FLNA: variants seen among roughly 807,000 people sequenced by gnomAD.
FLNA encodes the protein filamin-A.
Under a neutral mutation model 157.6 loss-of-function variants are expected in FLNA, and 7 were observed. That is an observed-to-expected ratio of 0.04 (90% confidence interval 0.03 to 0.08). FLNA has a LOEUF of 0.08. Ranked by LOEUF, FLNA falls within the 10% of genes least tolerant of loss-of-function variation. The pLI is 1.00. For missense variants in FLNA, 1,750 were observed against 2,398.4 expected (o/e 0.73, Z 5.65); for synonymous variants, 1,103 against 1,060.8 (o/e 1.04, Z -0.77).
chrX:154,355,119 C>T, intron 30 of FLNA, 47 bp from the exon 31 acceptor site: 5 of 1,177,160 alleles, frequency 4.2e-6, no homozygotes, highest in South Asian at 3.8e-5. Flanking sequence ...CGTGTGAGCT[C>T]GGGTTCAGGT....
In FLNA at chrX:154,359,920, A is replaced by G; in HGVS notation, c.3806-15T>C. On this transcript the variant is annotated splice_polypyrimidine_tract_variant and intron_variant, in intron 22 of 47. Transcript: ENST00000369850. ...ACGGAAGACACCTGCAAAGGCACAG[A>G]GAGGAGGCTTGGGGCTCGGGGGTTC... is the stretch of plus-strand genomic sequence containing the variant. 1 of 1,210,089 alleles carries G rather than the reference A, an allele frequency of 8.3e-7. No homozygotes were observed. Among genetic ancestry groups the G allele is most frequent in the Non-Finnish European group, 1.1e-6 (1 of 894,864 alleles).
chrX:154,367,273 G>A, intron 5 of FLNA, 124 bp downstream of exon 5: 1 of 719,935 alleles, frequency 1.4e-6, no homozygotes, highest in Non-Finnish European at 2.1e-6. Context: ...TCTGACTCTT[G>A]GGTGGCTTGA....
At chrX:154,370,580 C>A (rs2148121533) in intron 2 of FLNA, among the ~76,000 whole-genome samples, 1 of 113,229 alleles carries the variant, frequency 8.8e-6, no homozygotes, top group East Asian at 2.8e-4. Context: ...AGGCCCACTC[C>A]CACCGCGAGC....
chrX:154,355,596 G>A (rs1213479022), intron 30 of FLNA, among the ~76,000 whole-genome samples: 2 of 113,343 alleles, frequency 1.8e-5, no homozygotes, highest in South Asian at 3.5e-4. Context: ...GAGAAGGCTC[G>A]CGGTGAAAAG....
At chrX:154,359,448 C>A (rs1004752400) in intron 24 of FLNA, 36 bp downstream of exon 24, 14 of 1,211,816 alleles carry the variant, frequency 1.2e-5, no homozygotes, top group Non-Finnish European at 1.5e-5. Flanking sequence ...GGTTCCCAGG[C>A]CCACCAGCCA....
rs1557178377 is a variant in FLNA at position 154,362,765 on chromosome X, C to A, written c.2300G>T (p.Ser767Ile). 2 of 1,201,269 alleles carry A rather than the reference C, an allele frequency of 1.7e-6. No homozygotes were observed. Among genetic ancestry groups the A allele is most frequent in the Non-Finnish European group, 2.2e-6 (2 of 890,413 alleles). Residue 767 changes from serine to isoleucine, a missense_variant, in exon 16 of 48, where the codon AGC (serine) becomes ATC (isoleucine). By Grantham distance (142) the Ser-to-Ile change is moderately radical. Transcript: ENST00000369850. ...GTATACTTTGACCTTGTTGGGGTGGCTGCCAGCTCCCACATTCACCTGCAG... is the reference window on the plus strand; with the variant it reads ...GTATACTTTGACCTTGTTGGGGTGGATGCCAGCTCCCACATTCACCTGCAG... Reference protein sequence around the residue: ...SPFRVNVGAGSHPNKVKVYGP... With the variant: ...SPFRVNVGAGIHPNKVKVYGP...
chrX:154,353,851 C>G lies in FLNA; in HGVS notation c.5686+64G>C. On this transcript the variant is annotated intron_variant, in intron 35 of 47. Transcript: ENST00000369850. ...CCCATTCAGGAGTATCTCCTGAGTC[C>G]AGCCCTTACCCCGGTGAGGGCATCC... 4 of 1,203,692 alleles carry G rather than the reference C, an allele frequency of 3.3e-6. No individual in the cohort carries two copies. In the South Asian group the frequency reaches 7.0e-5, roughly 21 times the overall value.
At position 154,348,742 on chromosome X, in the gene FLNA, ACAGG is replaced by A. The variant is rs2067593116; in HGVS notation, c.*103_*106del. ...GCACAGGGCAGGGGCGGCTGCAGTGACAGGCGGGCGGCCAGGGCGGCCTGGGCCG... is the reference window on the plus strand; with the variant it reads ...GCACAGGGCAGGGGCGGCTGCAGTGACGGGCGGCCAGGGCGGCCTGGGCCG... On this transcript the variant is annotated 3_prime_UTR_variant, in exon 48 of 48. Transcript: ENST00000369850. The A allele has an allele frequency of 6.9e-6, 5 of 725,840 alleles. No individual in the cohort carries two copies. The highest frequency in any genetic ancestry group is 2.7e-5 in the South Asian group (1 of 37,035). The allele number at this position is 725,840 out of a possible 1,213,427, so 59.8% of individuals were successfully genotyped here.
rs782234539 is a variant in FLNA at position 154,366,588 on chromosome X, C to T, written c.1039G>A (p.Val347Ile). The change falls in exon 7 of 48, where the codon GTC (valine) becomes ATC (isoleucine). Residue 347 changes from valine (V) to isoleucine (I), a missense_variant. By Grantham distance (29) the Val-to-Ile change is conservative (BLOSUM62 3). This residue lies in a region of FLNA where 648 missense variants were observed against 805.8 expected (regional missense o/e 0.80). Coordinates refer to ENST00000369850, the MANE Select transcript of FLNA (RefSeq NM_001110556.2). ...TTATGAGTCCCCGTCACCTCGGGGA[C>T]GTACCAGACGGAGAAGGTGCGGTTC... ...DKNRTFSVWY[V>I]PEVTGTHKVT... 12 of 1,210,715 alleles carry T rather than the reference C, an allele frequency of 9.9e-6. No homozygotes were observed. Among genetic ancestry groups the T allele is most frequent in the East Asian group, 8.9e-5 (3 of 33,793 alleles).
rs1557176131 is a variant in FLNA at position 154,353,120 on chromosome X, G to A, written c.6107C>T (p.Pro2036Leu). ...AATTTCCGACTGGCTGATCACCACC[G>A]GGATGGGGCTGCTGGCCACGTGCTG... Reference protein sequence around the residue: ...NGQHVASSPIPVVISQSEIGD... With the variant: ...NGQHVASSPILVVISQSEIGD... Residue 2036 changes from proline (P) to leucine (L), a missense_variant, in exon 38 of 48, where the codon CCG (proline) becomes CTG (leucine). This residue lies in a region of FLNA where 970 missense variants were observed against 1,302.6 expected (regional missense o/e 0.74). Coordinates refer to ENST00000369850, the MANE Select transcript of FLNA (RefSeq NM_001110556.2). 1.7e-6 allele frequency: 2 copies of A among 1,211,122 alleles called. No individual in the cohort carries two copies. The highest frequency in any genetic ancestry group is 5.9e-5 in the East Asian group (2 of 33,848).
chrX:154,349,491 A>T lies in FLNA; in HGVS notation c.7627T>A (p.Cys2543Ser), dbSNP rs782496288. Reference protein sequence around the residue: ...VFVDSLTKATCAPQHGAPGPG... With the variant: ...VFVDSLTKATSAPQHGAPGPG... ...CCCGGGGCCCCATGCTGGGGGGCAC[A>T]GGTGGCCTTGGTCAGAGAGTCTACA... Residue 2543 changes from cysteine (C) to serine (S), a missense_variant, in exon 47 of 48, where the codon TGT (cysteine) becomes AGT (serine). Coordinates refer to ENST00000369850, the MANE Select transcript of FLNA (RefSeq NM_001110556.2). The T allele has an allele frequency of 8.2e-7, 1 of 1,212,205 alleles. No homozygotes were observed. Among genetic ancestry groups the T allele is most frequent in the Non-Finnish European group, 1.1e-6 (1 of 895,489 alleles).
chrX:154,369,716 C>G (rs139213493), intron 2 of FLNA, among the ~76,000 whole-genome samples: 1 of 111,690 alleles, frequency 9.0e-6, no homozygotes, highest in African/African-American at 3.2e-5. Context: ...GGTCGCCCCC[C>G]CTACCATCCA....
intron 1 of FLNA, 29 bp from the exon 2 acceptor site, chrX:154,371,390 G>T: frequency 1.3e-6 from 1 of 774,658 alleles, no homozygotes; most frequent in Non-Finnish European, 1.8e-6. Context: ...CTTTAAATGC[G>T]GGAGGAGGGC....
At position 154,350,919 on chromosome X, in the gene FLNA, T is replaced by A. The variant is rs1285050920; in HGVS notation, c.7146A>T (p.Glu2382Asp). ...SGALEECYVT[E>D]IDQDKYAVRF... is the part of the protein sequence containing the mutation. ...GGGACAGGGCCTCACCTTGGTCAAT[T>A]TCTGTGACATAGCACTCCTCCAGGG... The change falls in exon 44 of 48, where the codon GAA (glutamate) becomes GAT (aspartate). Residue 2382 changes from glutamate to aspartate, a missense_variant. Physicochemically the swap from Glu to Asp is conservative, Grantham distance 45 (BLOSUM62 2). This residue lies in a region of FLNA where 970 missense variants were observed against 1,302.6 expected (regional missense o/e 0.74). Transcript: ENST00000369850. 8.3e-7 allele frequency: 1 copy of A among 1,209,651 alleles called. No individual in the cohort carries two copies. The highest frequency in any genetic ancestry group is 1.1e-6 in the Non-Finnish European group (1 of 894,662).
At position 154,352,245 on chromosome X, in the gene FLNA, T is replaced by G. The variant is rs1057520156; in HGVS notation, c.6705A>C (p.Glu2235Asp). Residue 2235 changes from glutamate to aspartate, a missense_variant, in exon 41 of 48, where the codon GAA becomes GAC. By Grantham distance (45) the Glu-to-Asp change is conservative. Transcript: ENST00000369850. ...PFQFTVGPLG[E>D]GGAHKVRAGG... ...CAGCTCGGACCTTGTGGGCTCCCCC[T>G]TCCCCTAGGGGCCCCACGGTGAACT... 1.3e-5 allele frequency: 16 copies of G among 1,211,441 alleles called. No homozygotes were observed. Among genetic ancestry groups the G allele is most frequent in the Non-Finnish European group, 1.7e-5 (15 of 895,356 alleles).
At position 154,355,652 on chromosome X, in the gene FLNA, G is replaced by A. The variant is rs370851664; in HGVS notation, c.4970-580C>T. On this transcript the variant is annotated intron_variant, in intron 30 of 47. Coordinates refer to ENST00000369850, the MANE Select transcript of FLNA (RefSeq NM_001110556.2). ...TGGGAGCGGGGAAGCGGGAGGCAGC[G>A]GGGTTAGCACCCGAGTAGCGCAGCG... 2.6e-3 allele frequency among the ~76,000 whole-genome samples: 289 copies of A among 113,247 alleles called. 1 individual carries two copies. The highest frequency in any genetic ancestry group is 3.8e-3 in the Non-Finnish European group (200 of 53,309).
chrX:154,359,147 A>G lies in FLNA; in HGVS notation c.4311T>C (p.Pro1437=), dbSNP rs953607378. 3.3e-6 allele frequency: 4 copies of G among 1,211,365 alleles called. No homozygotes were observed. Among genetic ancestry groups the G allele is most frequent in the Non-Finnish European group, 4.5e-6 (4 of 895,559 alleles). ...TYGGHQVPGS[P]FKVPVHDVTD... is the part of the protein sequence containing the mutation. ...TCACATCATGCACAGGGACCTTGAA[A>G]GGACTGCCTGAGGGTTGGGGCAAAG... Residue 1437 remains proline (P), a synonymous_variant, in exon 26 of 48, where the codon CCT becomes CCC. Transcript: ENST00000369850.
chrX:154,357,694 A>G (rs2067673897), intron 28 of FLNA, 71 bp from the exon 29 acceptor site: 1 of 972,195 alleles, frequency 1.0e-6, no homozygotes, highest in African/African-American at 1.9e-5. Context: ...AGGCGCTCCC[A>G]GAGTGCCCAG....
rs782070351 is a variant in FLNA, at chrX:154,367,422, C to T, written c.843G>A (p.Pro281=). The T allele has an allele frequency of 1.6e-5, 19 of 1,210,214 alleles. No homozygotes were observed. In the Middle Eastern group the frequency reaches 6.9e-4, roughly 44 times the overall value. Residue 281 remains proline, a synonymous_variant, in exon 5 of 48, where the codon CCG becomes CCA. Transcript: ENST00000369850. ...CTGGCCCGTAGGCACGGGCTTTCTT[C>T]GGGTTCAGTTTGGGCCGCAAGGGAG... ...PGAPLRPKLN[P]KKARAYGPGI... is the part of the protein sequence containing the mutation.
Sources: allele counts gnomAD v4.1 joint callset (sites outside exome capture counted in the v4.1 genomes callset), GRCh38; gene constraint gnomAD v4.1.1; regional missense constraint gnomAD v4.1.1; transcripts MANE v1.5; gene names NCBI Gene and HGNC (gene_info 2026-07-23, HGNC 2026-07-21).